RARB: variants seen among roughly 807,000 people sequenced by gnomAD.
The protein encoded by RARB is HBV-activated protein.
A neutral mutation model predicts 51.9 loss-of-function variants in RARB; 17 were observed. The ratio of observed to expected loss-of-function variants is 0.33; its 90% CI spans 0.22 to 0.49. The LOEUF is 0.49. RARB is among the 20% of genes least tolerant of loss of function. RARB has a pLI of 0.99. For synonymous variants in RARB, 215 were observed against 195.4 expected (o/e 1.10, Z -0.84); for missense variants, 369 against 550.8 (o/e 0.67, Z 3.30).
In RARB at chr3:25,330,878, G is replaced by A. The variant is rs181877911; in HGVS notation, c.179-130315G>A. Among the ~76,000 whole-genome samples, 52 of 152,264 alleles carry A rather than the reference G, an allele frequency of 3.4e-4. No individual in the cohort carries two copies. The South Asian group carries it at 4.2e-3, about 12-fold the overall frequency. ...AAAAAAAGCAGGGGTTGTAATCCTA[G>A]TCTCTGATAAAACAGACTTTAAACC... On this transcript the variant is annotated intron_variant, in intron 5 of 11. Coordinates refer to the RARB transcript ENST00000383772.
intron 2 of RARB, among the ~76,000 whole-genome samples, chr3:25,036,818 G>C (rs1011401654): frequency 1.3e-5 from 2 of 152,168 alleles, no homozygotes; most frequent in Non-Finnish European, 2.9e-5. Context: ...GGGTGGGGAG[G>C]GGGGATCTGG....
At chr3:25,468,938 G>A (rs114459093) in intron 2 of RARB, among the ~76,000 whole-genome samples, 26 of 152,354 alleles carry the variant, frequency 1.7e-4, no homozygotes, top group Middle Eastern at 3.4e-3. Context: ...GCCCCAGGGC[G>A]AGGCCTGGCA....
At chr3:24,852,338 A>T (rs779711908) in intron 1 of RARB, among the ~76,000 whole-genome samples, 1 of 152,174 alleles carries the variant, frequency 6.6e-6, no homozygotes. Context: ...TCCACACCGA[A>T]CCCACCTAAC....
chr3:25,379,325 A>G (rs548224145), intron 5 of RARB, among the ~76,000 whole-genome samples: 28 of 152,266 alleles, frequency 1.8e-4, no homozygotes, highest in African/African-American at 5.3e-4. Flanking sequence ...ACATCTTTCT[A>G]CTATTTCTTG....
intron 2 of RARB, among the ~76,000 whole-genome samples, chr3:24,984,781 G>A (rs1456478941): frequency 6.6e-6 from 1 of 152,112 alleles, no homozygotes. Context: ...GGGGAAACAG[G>A]TTAATCTGCT....
chr3:25,432,105 G>A (rs760248609), intron 1 of RARB, among the ~76,000 whole-genome samples: 1 of 152,162 alleles, frequency 6.6e-6, no homozygotes, highest in Middle Eastern at 3.2e-3. Flanking sequence ...TCAGAAAGAA[G>A]AGAAAAAGAG....
chr3:25,287,199 C>CT (rs1703677388), intron 5 of RARB, among the ~76,000 whole-genome samples: 1 of 152,170 alleles, frequency 6.6e-6, no homozygotes, highest in Non-Finnish European at 1.5e-5. Flanking sequence ...ACCTATGGTG[C>CT]TTGTCTTGAA....
At chr3:25,134,850 G>A (rs185499836) in intron 4 of RARB, among the ~76,000 whole-genome samples, 6 of 152,102 alleles carry the variant, frequency 3.9e-5, no homozygotes, top group South Asian at 2.1e-4. Context: ...GGTCTAAATC[G>A]TGAAACGAGC....
chr3:24,884,325 T>C (rs1353661788), intron 2 of RARB, among the ~76,000 whole-genome samples: 1 of 152,132 alleles, frequency 6.6e-6, no homozygotes, highest in Non-Finnish European at 1.5e-5. Flanking sequence ...TACACTGAAA[T>C]ATGAAAGCCA....
chr3:24,961,649 C>A (rs181038833), intron 2 of RARB, among the ~76,000 whole-genome samples: 1 of 152,136 alleles, frequency 6.6e-6, no homozygotes, highest in South Asian at 2.1e-4. Context: ...GGAGTTCTGA[C>A]GGTCCAGTTA....
At chr3:25,454,629 A>G (rs1397111391) in intron 1 of RARB, among the ~76,000 whole-genome samples, 2 of 152,304 alleles carry the variant, frequency 1.3e-5, no homozygotes, top group South Asian at 4.2e-4. Flanking sequence ...GGCCCAACCT[A>G]AAATCCTGAA....
intron 5 of RARB, among the ~76,000 whole-genome samples, chr3:25,191,266 C>G (rs1245301250): frequency 2.0e-5 from 3 of 152,072 alleles, no homozygotes; most frequent in Non-Finnish European, 4.4e-5. Context: ...GCTTGTGGGA[C>G]AATATTATTC....
In RARB at chr3:25,358,274, C is replaced by T. The variant is rs150661060; in HGVS notation, c.179-102919C>T. Among the ~76,000 whole-genome samples, 1,041 of 152,260 alleles carry T rather than the reference C, an allele frequency of 6.8e-3. 12 individuals carry two copies. The highest frequency in any genetic ancestry group is 0.024 in the African/African-American group (991 of 41,554). On this transcript the variant is annotated intron_variant, in intron 5 of 11. Coordinates refer to the RARB transcript ENST00000383772. ...ATGGGACTTTGCTCATGATTTGGCT[C>T]TCCGTTTCTCTATTATTGGTGTATA...
At chr3:24,925,993 C>G (rs764253829) in intron 2 of RARB, among the ~76,000 whole-genome samples, 14 of 152,228 alleles carry the variant, frequency 9.2e-5, no homozygotes, top group Non-Finnish European at 1.5e-4. Context: ...CTGTCTGTAA[C>G]AGAAGCACAC....
chr3:25,551,650 T>A (rs1464086109), intron 3 of RARB, among the ~76,000 whole-genome samples: 1 of 152,182 alleles, frequency 6.6e-6, no homozygotes, highest in Non-Finnish European at 1.5e-5. Context: ...GGGCTAGAGA[T>A]TGAGATTCGA....
At chr3:25,213,454 T>C (rs1324557844) in intron 5 of RARB, among the ~76,000 whole-genome samples, 1 of 152,206 alleles carries the variant, frequency 6.6e-6, no homozygotes, top group East Asian at 1.9e-4. Context: ...ACATCTCATT[T>C]ATTCATTCTA....
intron 2 of RARB, among the ~76,000 whole-genome samples, chr3:24,969,071 C>T (rs1454636423): frequency 6.6e-6 from 1 of 151,832 alleles, no homozygotes; most frequent in Non-Finnish European, 1.5e-5. Flanking sequence ...AATTCTGATA[C>T]AATATTCATT....
intron 2 of RARB, among the ~76,000 whole-genome samples, chr3:24,887,562 T>C (rs1335014939): frequency 6.6e-6 from 1 of 152,208 alleles, no homozygotes; most frequent in Non-Finnish European, 1.5e-5. Context: ...CTAAGAGACA[T>C]AGCAGCAATT....
intron 5 of RARB, among the ~76,000 whole-genome samples, chr3:25,190,506 T>G (rs1024538585): frequency 6.6e-6 from 1 of 152,124 alleles, no homozygotes; most frequent in East Asian, 1.9e-4. Flanking sequence ...ACTGGCATGT[T>G]CTGTTTGAGG....
Sources: gnomAD v4.1 joint callset for allele counts (sites outside exome capture counted in the v4.1 genomes callset) on GRCh38, gnomAD v4.1.1 for gene constraint, MANE v1.5 for transcripts, NCBI Gene and HGNC (gene_info 2026-07-23, HGNC 2026-07-21) for gene names.